Variants in UNC5D observed in about 807,000 individuals in gnomAD.
UNC5D encodes netrin receptor UNC5D.
UNC5D carries 39 observed loss-of-function variants against 105.4 expected under a neutral mutation model. The observed-to-expected ratio is 0.37, with a 90% CI of 0.29 to 0.48. The LOEUF (loss-of-function observed/expected upper bound fraction) is 0.48, where lower values mean the gene tolerates loss of function less well. Ranked by LOEUF, UNC5D falls within the 20% of genes least tolerant of loss-of-function variation. The pLI, the probability that UNC5D is intolerant of heterozygous loss-of-function variation, is 0.98. For synonymous variants in UNC5D, 452 were observed against 450.4 expected (o/e 1.00, Z -0.04); for missense variants, 991 against 1,202.4 (o/e 0.82, Z 2.60).
intron 1 of UNC5D, among the ~76,000 whole-genome samples, chr8:35,537,742 T>A (rs1814946256): frequency 6.7e-6 from 1 of 150,334 alleles, no homozygotes; most frequent in Admixed American, 6.6e-5. Context: ...TATTTATACA[T>A]ATAATTAAAT....
rs1169355550 is a variant in UNC5D, at chr8:35,741,014, C to T, written c.1767-7513C>T. Among the ~76,000 whole-genome samples, 4 of 152,152 alleles carry T rather than the reference C, an allele frequency of 2.6e-5. No homozygotes were observed. The East Asian group carries it at 7.7e-4, about 29-fold the overall frequency. ...ATGATACATAGTCCCACTCTTCTCC[C>T]ATCCTCCTCACTCTCATTCATTTTT... On this transcript the variant is annotated intron_variant, in intron 11 of 16. Coordinates refer to ENST00000404895, the MANE Select transcript of UNC5D (RefSeq NM_080872.4).
chr8:35,403,192 C>A (rs78805799), intron 1 of UNC5D, among the ~76,000 whole-genome samples: 1 of 152,120 alleles, frequency 6.6e-6, no homozygotes, highest in Non-Finnish European at 1.5e-5. Context: ...TTACCTTTTG[C>A]TAAAGCTTGT....
intron 4 of UNC5D, among the ~76,000 whole-genome samples, chr8:35,602,949 C>T (rs931393196): frequency 1.4e-5 from 2 of 147,192 alleles, no homozygotes; most frequent in African/African-American, 5.0e-5. Context: ...GTTCAGTTCC[C>T]ATCTATGAGT....
chr8:35,479,620 G>A (rs1810345882), intron 1 of UNC5D, among the ~76,000 whole-genome samples: 1 of 152,118 alleles, frequency 6.6e-6, no homozygotes, highest in Non-Finnish European at 1.5e-5. Context: ...ATAAAAGAAT[G>A]ACATCATGTT....
intron 10 of UNC5D, 62 bp from the exon 11 acceptor site, chr8:35,730,950 G>C: frequency 6.6e-7 from 1 of 1,510,084 alleles, no homozygotes; most frequent in South Asian, 1.2e-5. Flanking sequence ...AGGTGCTCGA[G>C]TGACAAACTT....
At chr8:35,648,523 A>T (rs146817608) in intron 4 of UNC5D, among the ~76,000 whole-genome samples, 2,122 of 152,098 alleles carry the variant, frequency 0.014, 25 homozygotes, top group African/African-American at 0.029. Flanking sequence ...TACTAAAAAT[A>T]CAAAAATTAG....
At chr8:35,386,193 G>T (rs1260026194) in intron 1 of UNC5D, among the ~76,000 whole-genome samples, 1 of 152,046 alleles carries the variant, frequency 6.6e-6, no homozygotes, top group Non-Finnish European at 1.5e-5. Context: ...TATTCATAAA[G>T]TCTCCTGTCA....
chr8:35,451,796 C>T (rs1049750972), intron 1 of UNC5D, among the ~76,000 whole-genome samples: 13 of 152,004 alleles, frequency 8.6e-5, no homozygotes, highest in Non-Finnish European at 1.0e-4. Context: ...TGCTTTCAGT[C>T]TTTCTAGTGG....
chr8:35,373,556 A>T (rs571823512), intron 1 of UNC5D, among the ~76,000 whole-genome samples: 1 of 152,286 alleles, frequency 6.6e-6, no homozygotes, highest in East Asian at 1.9e-4. Context: ...TGAAGGTTTA[A>T]TTACTATCTC....
intron 4 of UNC5D, among the ~76,000 whole-genome samples, chr8:35,647,437 A>C (rs991805913): frequency 5.3e-5 from 8 of 151,406 alleles, no homozygotes; most frequent in Non-Finnish European, 7.4e-5. Flanking sequence ...GTGGTTGTGT[A>C]CAATTATATG....
At chr8:35,452,512 C>A (rs963904234) in intron 1 of UNC5D, among the ~76,000 whole-genome samples, 2 of 152,132 alleles carry the variant, frequency 1.3e-5, no homozygotes, top group African/African-American at 4.8e-5. Context: ...CATCCACCCA[C>A]CTCAGCCTCC....
chr8:35,482,907 A>G (rs994056083), intron 1 of UNC5D, among the ~76,000 whole-genome samples: 1 of 145,938 alleles, frequency 6.9e-6, no homozygotes, highest in Non-Finnish European at 1.5e-5. Flanking sequence ...GATTCAAGCG[A>G]TTCTCCTGCC....
At chr8:35,414,348 A>G (rs1265090016) in intron 1 of UNC5D, among the ~76,000 whole-genome samples, 1 of 152,100 alleles carries the variant, frequency 6.6e-6, no homozygotes, top group East Asian at 1.9e-4. Flanking sequence ...TTACTTTGCC[A>G]TGTAGTTATA....
chr8:35,323,976 T>C (rs1372921370), intron 1 of UNC5D, among the ~76,000 whole-genome samples: 2 of 152,014 alleles, frequency 1.3e-5, no homozygotes, highest in Admixed American at 1.3e-4. Context: ...ATTCCTGTAA[T>C]CCCAGCACTT....
chr8:35,346,203 A>G (rs536800798), intron 1 of UNC5D, among the ~76,000 whole-genome samples: 6 of 152,110 alleles, frequency 3.9e-5, no homozygotes, highest in Admixed American at 2.6e-4. Flanking sequence ...GTAGGATTGG[A>G]CTGAGGAAGT....
intron 1 of UNC5D, among the ~76,000 whole-genome samples, chr8:35,495,967 T>C (rs1764881605): frequency 6.6e-6 from 1 of 152,224 alleles, no homozygotes; most frequent in African/African-American, 2.4e-5. Context: ...CAGGCAACTT[T>C]ACGTGGTGGC....
chr8:35,382,054 T>C (rs924672941), intron 1 of UNC5D, among the ~76,000 whole-genome samples: 3 of 152,218 alleles, frequency 2.0e-5, no homozygotes, highest in Non-Finnish European at 2.9e-5. Context: ...CCTTTTGGGA[T>C]TTAAAAATAA....
chr8:35,246,739 G>A (rs1168727075), intron 1 of UNC5D, among the ~76,000 whole-genome samples: 1 of 152,088 alleles, frequency 6.6e-6, no homozygotes, highest in Admixed American at 6.5e-5. Flanking sequence ...ACTTGGTCAT[G>A]TTTTGTTAAG....
At chr8:35,641,376 A>G (rs1244790818) in intron 4 of UNC5D, among the ~76,000 whole-genome samples, 1 of 150,698 alleles carries the variant, frequency 6.6e-6, no homozygotes, top group African/African-American at 2.4e-5. Flanking sequence ...CAAAAAAAAA[A>G]AAAAAAAAAG....
Sources: allele counts gnomAD v4.1 joint callset (sites outside exome capture counted in the v4.1 genomes callset), GRCh38; gene constraint gnomAD v4.1.1; transcripts MANE v1.5; gene names NCBI Gene and HGNC (gene_info 2026-07-23, HGNC 2026-07-21).